NIBAN3: variants seen among roughly 807,000 people sequenced by gnomAD.
NIBAN3 encodes niban apoptosis regulator 3, also known as protein Niban 3.
NIBAN3 carries 66 observed loss-of-function variants against 76.4 expected under a neutral mutation model. The observed-to-expected ratio is 0.86, with a 90% CI of 0.71 to 1.06. The LOEUF (loss-of-function observed/expected upper bound fraction) is 1.06. Among genes scored for constraint, NIBAN3 ranks in the 50% least tolerant of loss-of-function variants. The probability of loss-of-function intolerance (pLI) is 0.00; values close to 1 mark genes in which losing one functional copy is unlikely to be tolerated. For synonymous variants in NIBAN3, 360 were observed against 355.2 expected (o/e 1.01, Z -0.15); for missense variants, 808 against 810.7 (o/e 1.00, Z 0.04).
intron 10 of NIBAN3, 121 bp from the exon 11 acceptor site, chr19:17,543,196 G>T: frequency 1.5e-6 from 1 of 656,250 alleles, no homozygotes; most frequent in Non-Finnish European, 2.7e-6. Context: ...AGGAGGAGGA[G>T]GTTGGGCAGA....
At chr19:17,532,171 G>A (rs1033333764) in intron 2 of NIBAN3, 92 bp from the exon 3 acceptor site, 12 of 1,459,024 alleles carry the variant, frequency 8.2e-6, no homozygotes, top group African/African-American at 5.7e-5. Flanking sequence ...GGACCTTAGC[G>A]TCACCCCAGG....
rs575928892 is a variant in NIBAN3, at chr19:17,536,621, T to G, written c.428-755T>G. Among the ~76,000 whole-genome samples, 7 of 152,244 alleles carry G rather than the reference T, an allele frequency of 4.6e-5. No individual in the cohort carries two copies. The East Asian group carries it at 1.3e-3, about 29-fold the overall frequency. ...ATAAAAAATATCTTGTGCAGGCTGGTCTGGAACTCCTGGGCCCAAGGGATC... is the reference window on the plus strand; with the variant it reads ...ATAAAAAATATCTTGTGCAGGCTGGGCTGGAACTCCTGGGCCCAAGGGATC... On this transcript the variant is annotated intron_variant, in intron 4 of 14. Coordinates refer to ENST00000599164, the MANE Select transcript of NIBAN3 (RefSeq NM_001321827.2).
upstream of NIBAN3, among the ~76,000 whole-genome samples, chr19:17,526,578 T>C (rs2075611153): frequency 6.7e-6 from 1 of 148,706 alleles, no homozygotes; most frequent in Non-Finnish European, 1.5e-5. Flanking sequence ...AGCACAGGAG[T>C]TCCAGGCTGC....
chr19:17,533,840 T>C, intron 4 of NIBAN3, 139 bp downstream of exon 4: 1 of 651,938 alleles, frequency 1.5e-6, no homozygotes, highest in Non-Finnish European at 2.7e-6. Context: ...ACCCACTCCC[T>C]GCCTGCAGCA....
chr19:17,546,618 A>C, intron 12 of NIBAN3, 68 bp from the exon 13 acceptor site: 1 of 1,422,350 alleles, frequency 7.0e-7, no homozygotes, highest in Non-Finnish European at 9.2e-7. Flanking sequence ...CTAGGGCAGA[A>C]GCCTGTGTTG....
chr19:17,555,137 G>A (rs1390693284), downstream of NIBAN3, among the ~76,000 whole-genome samples: 1 of 152,092 alleles, frequency 6.6e-6, no homozygotes, highest in Admixed American at 6.6e-5. Context: ...TTTATAGATG[G>A]ACAGACTGAG....
chr19:17,523,502 G>C, upstream of NIBAN3: 1 of 1,534,914 alleles, frequency 6.5e-7, no homozygotes, highest in East Asian at 2.4e-5. Context: ...CTCAGCTGTG[G>C]GGCTGGTTGA....
At chr19:17,535,705 G>A (rs905546788) in intron 4 of NIBAN3, among the ~76,000 whole-genome samples, 155 of 146,890 alleles carry the variant, frequency 1.1e-3, no homozygotes, top group African/African-American at 3.7e-3. Context: ...CCAAGACAGC[G>A]CCACTTTACT....
chr19:17,532,340 C>T lies in NIBAN3; in HGVS notation c.264C>T (p.Phe88=). Residue 88 remains phenylalanine, a synonymous_variant, in exon 3 of 15, where the codon TTC becomes TTT. Coordinates refer to ENST00000599164, the MANE Select transcript of NIBAN3 (RefSeq NM_001321827.2). ...ACCCACCCCGGTGGCAGCCGATCTT[C>T]TGTGTTCTGCGTGGGGACGGCCGCC... ...RGHPPRWQPI[F]CVLRGDGRLE... 6.2e-7 allele frequency: 1 copy of T among 1,614,174 alleles called. No homozygotes were observed. The highest frequency in any genetic ancestry group is 1.1e-5 in the South Asian group (1 of 91,086).
At chr19:17,544,632 G>A (rs1481248204) in intron 12 of NIBAN3, among the ~76,000 whole-genome samples, 1 of 152,260 alleles carries the variant, frequency 6.6e-6, no homozygotes, top group Non-Finnish European at 1.5e-5. Flanking sequence ...CATGCCTGGT[G>A]TGTTGGAGGA....
chr19:17,523,428 G>A, upstream of NIBAN3: 1 of 1,561,438 alleles, frequency 6.4e-7, no homozygotes, highest in Non-Finnish European at 8.7e-7. Flanking sequence ...ATGTGAGAGT[G>A]AGGAAGTGGG....
At position 17,527,285 on chromosome 19, in the gene NIBAN3, G is replaced by A. The variant is rs1423310487; in HGVS notation, c.-56G>A. The A allele has an allele frequency of 5.8e-6, 9 of 1,550,704 alleles. No homozygotes were observed. The highest frequency in any genetic ancestry group is 7.8e-6 in the Non-Finnish European group (9 of 1,146,850). ...GCCATCCAGGTGCCCCTGAGCCGAG[G>A]AACGCAGGCGGTGGTCGTGGGGAAG... On this transcript the variant is annotated 5_prime_UTR_variant, in exon 1 of 15. Transcript: ENST00000599164.
intron 3 of NIBAN3, among the ~76,000 whole-genome samples, chr19:17,532,907 G>A (rs1384564817): frequency 1.3e-5 from 2 of 151,816 alleles, no homozygotes; most frequent in Admixed American, 1.3e-4. Context: ...GAGAGGGCAA[G>A]AACAGGAGGG....
upstream of NIBAN3, among the ~76,000 whole-genome samples, chr19:17,524,934 T>C (rs1481500952): frequency 6.6e-6 from 1 of 152,170 alleles, no homozygotes; most frequent in East Asian, 1.9e-4. Flanking sequence ...CAGCCCCACA[T>C]AGCAGCAAGG....
At chr19:17,526,820 C>T (rs182385867), upstream of NIBAN3, among the ~76,000 whole-genome samples, 624 of 152,218 alleles carry the variant, frequency 4.1e-3, 2 homozygotes, top group Non-Finnish European at 6.9e-3. Flanking sequence ...CCCCCTGCCC[C>T]AGCACTGACC....
At position 17,537,532 on chromosome 19, in the gene NIBAN3, T is replaced by A; in HGVS notation, c.584T>A (p.Leu195His). The change falls in exon 5 of 15, where the codon CTT (leucine) becomes CAT (histidine). Residue 195 changes from leucine to histidine, a missense_variant. By Grantham distance (99) the Leu-to-His change is moderately conservative. Transcript: ENST00000599164. The stretch of plus-strand genomic sequence containing the variant: ...CTGGCCCTGCAGGGTGGCATCCGGC[T>A]TCAGGGCATAGGTGGGTCTCAGGAC... ...WRLALQGGIR[L>H]QGIVLQRSQA... The A allele has an allele frequency of 6.3e-7, 1 of 1,598,674 alleles. No homozygotes were observed. Among genetic ancestry groups the A allele is most frequent in the South Asian group, 1.1e-5 (1 of 90,266 alleles).
At chr19:17,526,640 C>A (rs1049896252), upstream of NIBAN3, among the ~76,000 whole-genome samples, 1 of 151,440 alleles carries the variant, frequency 6.6e-6, no homozygotes, top group African/African-American at 2.4e-5. Flanking sequence ...AGAGCAAGAC[C>A]CTGTCTCTAA....
At chr19:17,530,622 G>A (rs551058022) in intron 1 of NIBAN3, 133 bp from the exon 2 acceptor site, 8 of 683,212 alleles carry the variant, frequency 1.2e-5, no homozygotes, top group Middle Eastern at 3.0e-4. Flanking sequence ...AATGAAATTT[G>A]GTGACAACTT....
chr19:17,545,526 AT>A (rs1185765460), intron 12 of NIBAN3: 1 of 173,926 alleles, frequency 5.7e-6, no homozygotes, highest in Non-Finnish European at 1.2e-5. Context: ...CTGCGCTGTT[AT>A]TTATTGGATA....
Sources: gnomAD v4.1 joint callset for allele counts (sites outside exome capture counted in the v4.1 genomes callset) on GRCh38, gnomAD v4.1.1 for gene constraint, MANE v1.5 for transcripts, NCBI Gene and HGNC (gene_info 2026-07-23, HGNC 2026-07-21) for gene names.